NTM: variants seen among roughly 807,000 people sequenced by gnomAD.
NTM encodes IgLON family member 2.
A neutral mutation model predicts 42.1 loss-of-function variants in NTM; 13 were observed. That is an observed-to-expected ratio of 0.31 (90% CI 0.20 to 0.49). The LOEUF (loss-of-function observed/expected upper bound fraction) is 0.49. Ranked by LOEUF, NTM falls within the 20% of genes least tolerant of loss-of-function variation. The probability of loss-of-function intolerance (pLI) is 0.99; values close to 1 mark genes in which losing one functional copy is unlikely to be tolerated. For synonymous variants in NTM, 187 were observed against 179.2 expected, an observed-to-expected ratio of 1.04 and a Z score of -0.35; for missense variants, 373 against 452.8, an observed-to-expected ratio of 0.82 and a Z score of 1.60.
intron 3 of NTM, among the ~76,000 whole-genome samples, chr11:132,184,836 G>A (rs183342738): frequency 5.9e-5 from 9 of 152,232 alleles, no homozygotes; most frequent in Admixed American, 2.6e-4. Flanking sequence ...CGTCATGAAC[G>A]TACCATGTCA....
chr11:131,710,686 A>C (rs1452020756), intron 1 of NTM, among the ~76,000 whole-genome samples: 1 of 152,192 alleles, frequency 6.6e-6, no homozygotes, highest in African/African-American at 2.4e-5. Flanking sequence ...GTTCCACCCA[A>C]GACTCAGTGA....
chr11:131,886,727 C>T (rs980912895), intron 1 of NTM, among the ~76,000 whole-genome samples: 10 of 152,164 alleles, frequency 6.6e-5, no homozygotes, highest in Non-Finnish European at 5.9e-5. Context: ...AAAGCTCTGA[C>T]CATTACCCTG....
At chr11:131,984,289 T>C (rs2065728888) in intron 2 of NTM, among the ~76,000 whole-genome samples, 1 of 152,160 alleles carries the variant, frequency 6.6e-6, no homozygotes, top group Non-Finnish European at 1.5e-5. Flanking sequence ...ACTGAAAAGA[T>C]TGCCACCCCT....
chr11:131,858,895 C>T (rs1157150994), intron 1 of NTM, among the ~76,000 whole-genome samples: 1 of 152,334 alleles, frequency 6.6e-6, no homozygotes, highest in South Asian at 2.1e-4. Context: ...CTACAGAGGG[C>T]AGCTCAGGTG....
rs549003802 is a variant in NTM at position 131,564,457 on chromosome 11, G to A, written c.82+193569G>A. On this transcript the variant is annotated intron_variant, in intron 1 of 8. Coordinates refer to ENST00000683400, the MANE Select transcript of NTM (RefSeq NM_001352005.2). ...AGGGTGGGTAGGGGGAGAGAGAGAG[G>A]GAGGGAGAGAGAGAGAGCAGGCTCT... Among the ~76,000 whole-genome samples, 38 of 125,764 alleles carry A rather than the reference G, an allele frequency of 3.0e-4. 1 individual carries two copies. The South Asian group carries it at 7.6e-3, about 25-fold the overall frequency. 82.5% of individuals were successfully genotyped at this position (125,764 alleles called of 152,430 possible).
intron 2 of NTM, among the ~76,000 whole-genome samples, chr11:132,145,241 G>A (rs1475775326): frequency 6.6e-6 from 1 of 152,212 alleles, no homozygotes; most frequent in Non-Finnish European, 1.5e-5. Context: ...AGCAGAGAAT[G>A]GGTAAGAGTG....
intron 4 of NTM, among the ~76,000 whole-genome samples, chr11:132,289,568 C>T (rs1183203290): frequency 1.3e-5 from 2 of 152,192 alleles, no homozygotes; most frequent in Non-Finnish European, 2.9e-5. Context: ...CCCCTCACCC[C>T]CTGCCATAAC....
At chr11:131,950,947 A>G (rs2060915306) in intron 2 of NTM, among the ~76,000 whole-genome samples, 2 of 152,166 alleles carry the variant, frequency 1.3e-5, no homozygotes, top group African/African-American at 4.8e-5. Context: ...AGTTGAAGTC[A>G]GGAATTATTC....
intron 1 of NTM, among the ~76,000 whole-genome samples, chr11:131,445,196 G>A (rs1949960610): frequency 6.6e-6 from 1 of 152,178 alleles, no homozygotes; most frequent in East Asian, 1.9e-4. Flanking sequence ...ATGCTTCTGA[G>A]AGCTGCATTG....
intron 2 of NTM, among the ~76,000 whole-genome samples, chr11:131,935,091 A>G (rs1352558582): frequency 6.6e-6 from 1 of 152,202 alleles, no homozygotes; most frequent in Non-Finnish European, 1.5e-5. Flanking sequence ...ATAGTCACAG[A>G]TAGGTTTGCT....
At chr11:131,977,273 A>G (rs919972476) in intron 2 of NTM, among the ~76,000 whole-genome samples, 1 of 152,246 alleles carries the variant, frequency 6.6e-6, no homozygotes. Flanking sequence ...TTTACATTAT[A>G]TGCCTTCAGT....
chr11:131,633,401 T>G (rs2063863286), intron 1 of NTM, among the ~76,000 whole-genome samples: 1 of 152,194 alleles, frequency 6.6e-6, no homozygotes, highest in Non-Finnish European at 1.5e-5. Context: ...CATGGCTTGA[T>G]TCAGTCTCCA....
chr11:132,266,533 T>A (rs1180305035), intron 4 of NTM, among the ~76,000 whole-genome samples: 2 of 152,336 alleles, frequency 1.3e-5, no homozygotes, highest in East Asian at 3.9e-4. Flanking sequence ...AGAAGCCACA[T>A]GTAATGAGGA....
At chr11:132,033,049 G>C (rs1007739022) in intron 2 of NTM, among the ~76,000 whole-genome samples, 17 of 152,170 alleles carry the variant, frequency 1.1e-4, no homozygotes, top group African/African-American at 4.1e-4. Context: ...TATATGCCTG[G>C]TCTTCTAAAC....
At chr11:132,196,383 T>C (rs2080215346) in intron 3 of NTM, among the ~76,000 whole-genome samples, 1 of 152,128 alleles carries the variant, frequency 6.6e-6, no homozygotes, top group Non-Finnish European at 1.5e-5. Flanking sequence ...TGGAAAGCAG[T>C]GTGGAGATTT....
In NTM at chr11:132,001,777, C is replaced by CAA. The variant is rs1491358738; in HGVS notation, c.167+90130_167+90131insAA. ...TATCATGCATATACACACAGACAGG[C>CAA]ACACACACACACACACACACACATA... On this transcript the variant is annotated intron_variant, in intron 2 of 8. Coordinates refer to ENST00000683400, the MANE Select transcript of NTM (RefSeq NM_001352005.2). Among the ~76,000 whole-genome samples the CAA allele has an allele frequency of 9.1e-5, 6 of 65,648 alleles. No homozygotes were observed. The South Asian group carries it at 2.2e-3, about 24-fold the overall frequency. 43.1% of individuals were successfully genotyped at this position (65,648 alleles called of 152,430 possible).
At chr11:132,023,556 C>G (rs1017910344) in intron 2 of NTM, among the ~76,000 whole-genome samples, 15 of 152,268 alleles carry the variant, frequency 9.9e-5, no homozygotes, top group African/African-American at 3.4e-4. Flanking sequence ...TTTGCGCCCG[C>G]TCCAGTGTCT....
rs114315474 is a variant in NTM, at chr11:131,870,411, G to A, written c.83-41153G>A. 9.9e-3 allele frequency among the ~76,000 whole-genome samples: 1,507 copies of A among 152,282 alleles called. 24 individuals carry two copies. Among genetic ancestry groups the A allele is most frequent in the African/African-American group, 0.034 (1,433 of 41,562 alleles). On this transcript the variant is annotated intron_variant, in intron 1 of 8. Transcript: ENST00000683400. ...AATGGCTCCTGGTTGAATATTGGGT[G>A]CTCTCTGAATGATGGTCTCTTTCCT...
intron 1 of NTM, among the ~76,000 whole-genome samples, chr11:131,773,578 C>G (rs1422118148): frequency 6.6e-6 from 1 of 152,176 alleles, no homozygotes; most frequent in Non-Finnish European, 1.5e-5. Flanking sequence ...CAGCATTAGT[C>G]TCATATTGAT....
Sources: gnomAD v4.1 joint callset for allele counts (sites outside exome capture counted in the v4.1 genomes callset) on GRCh38, gnomAD v4.1.1 for gene constraint, MANE v1.5 for transcripts, NCBI Gene and HGNC (gene_info 2026-07-23, HGNC 2026-07-21) for gene names.